The following OR52N5 variants were observed in gnomAD, a reference collection of about 807,000 sequenced individuals.
OR52N5 encodes olfactory receptor family 52 subfamily N member 5, also known as olfactory receptor 52N5.
Under a neutral mutation model 14.1 loss-of-function variants are expected in OR52N5, and 10 were observed. That is an observed-to-expected ratio of 0.71 (90% CI 0.44 to 1.20). The LOEUF (loss-of-function observed/expected upper bound fraction) is 1.20, where lower values mean the gene tolerates loss of function less well. OR52N5 is among the 50% of genes most tolerant of loss of function. The pLI, the probability that OR52N5 is intolerant of heterozygous loss-of-function variation, is 0.00. For synonymous variants in OR52N5, 116 were observed against 143.0 expected (o/e 0.81, Z 1.35); for missense variants, 361 against 403.2 (o/e 0.90, Z 0.90).
In OR52N5 at chr11:5,776,719, T is replaced by C. The variant is rs1435461034; in HGVS notation, c.*941A>G. On this transcript the variant is annotated 3_prime_UTR_variant, in exon 3 of 3. Transcript: ENST00000641181. ...TAATTTCCAGCTTCATCCATGATGC[T>C]GCAAATTACAGAATTTCATCATTTT... is the stretch of plus-strand genomic sequence containing the variant. The C allele has an allele frequency of 2.1e-5, 3 of 140,754 alleles. 1 individual carries two copies. The highest frequency in any genetic ancestry group is 7.8e-5 in the African/African-American group (3 of 38,492). The allele number at this position is 140,754 out of a possible 1,614,324, so 8.7% of individuals were successfully genotyped here.
In OR52N5 at chr11:5,782,318, C is replaced by A; in HGVS notation, c.-247-562G>T. Reference sequence around the variant, plus strand: ...CTGGTGTTTTTAGGTTTACCTTGCACATAAATAGCAGATTTGCATATCAAC... The same window carrying A: ...CTGGTGTTTTTAGGTTTACCTTGCAAATAAATAGCAGATTTGCATATCAAC... On this transcript the variant is annotated intron_variant, in intron 1 of 2. Transcript: ENST00000641181. Among the ~76,000 whole-genome samples, 2 of 139,588 alleles carry A rather than the reference C, an allele frequency of 1.4e-5. 1 individual carries two copies. The highest frequency in any genetic ancestry group is 1.5e-4 in the Admixed American group (2 of 13,542). 91.6% of individuals were successfully genotyped at this position (139,588 alleles called of 152,430 possible). A position where few individuals can be genotyped will look rare whatever the true frequency, so the allele number is the denominator to read the frequency against.
At position 5,776,677 on chromosome 11, in the gene OR52N5, TATTTC is replaced by T. The variant is rs1854495940; in HGVS notation, c.*978_*982del. The T allele has an allele frequency of 3.6e-5, 5 of 140,434 alleles. 1 individual carries two copies. The South Asian group carries it at 1.2e-3, about 33-fold the overall frequency. The allele number at this position is 140,434 out of a possible 1,614,324, so 8.7% of individuals were successfully genotyped here. A position where few individuals can be genotyped will look rare whatever the true frequency, so the allele number is the denominator to read the frequency against. On this transcript the variant is annotated 3_prime_UTR_variant, in exon 3 of 3. Coordinates refer to ENST00000641181, the MANE Select transcript of OR52N5 (RefSeq NM_001385662.1). ...AACTTTTGTCTTTCTGTGGCTGGCT[TATTTC>T]ATTTAACATGCTAATTTCCAGCTTC...
chr11:5,777,408 T>C lies in OR52N5; in HGVS notation c.*252A>G. ...TTATGTTATATATGACATATTTAAC[T>C]TTATGTGTCAATTTAAATAAATTGA... On this transcript the variant is annotated 3_prime_UTR_variant, in exon 3 of 3. Coordinates refer to ENST00000641181, the MANE Select transcript of OR52N5 (RefSeq NM_001385662.1). The C allele has an allele frequency of 3.8e-6, 1 of 262,094 alleles. No homozygotes were observed. The highest frequency in any genetic ancestry group is 7.0e-6 in the Non-Finnish European group (1 of 141,902). 16.2% of individuals were successfully genotyped at this position (262,094 alleles called of 1,614,324 possible).
chr11:5,778,673 T>C lies in OR52N5; in HGVS notation c.-23-16A>G. 7.8e-7 allele frequency: 1 copy of C among 1,280,750 alleles called. No homozygotes were observed. Among genetic ancestry groups the C allele is most frequent in the Non-Finnish European group, 1.1e-6 (1 of 942,930 alleles). The allele number at this position is 1,280,750 out of a possible 1,614,324, so 79.3% of individuals were successfully genotyped here. On this transcript the variant is annotated splice_polypyrimidine_tract_variant and intron_variant, in intron 2 of 2. Coordinates refer to ENST00000641181, the MANE Select transcript of OR52N5 (RefSeq NM_001385662.1). ...AAGTTTCATCCTGAAGAGAAGGAATTATGAAACAAATTTCATTCAAATTTT... is the reference window on the plus strand; with the variant it reads ...AAGTTTCATCCTGAAGAGAAGGAATCATGAAACAAATTTCATTCAAATTTT...
At chr11:5,780,176 G>T (rs1854537553) in intron 2 of OR52N5, among the ~76,000 whole-genome samples, 1 of 138,662 alleles carries the variant, frequency 7.2e-6, no homozygotes, top group Non-Finnish European at 1.6e-5. Flanking sequence ...CAAATTCCTT[G>T]GTATGACATT....
Position 5,777,518 on chromosome 11 carries a change from T to TC in OR52N5, c.*141dup. The TC allele has an allele frequency of 3.2e-6, 2 of 632,070 alleles. No homozygotes were observed. The highest frequency in any genetic ancestry group is 4.7e-6 in the Non-Finnish European group (2 of 421,170). 39.2% of individuals were successfully genotyped at this position (632,070 alleles called of 1,614,324 possible). A position where few individuals can be genotyped will look rare whatever the true frequency, so the allele number is the denominator to read the frequency against. On this transcript the variant is annotated 3_prime_UTR_variant, in exon 3 of 3. Transcript: ENST00000641181. ...ATACATCCAGAATGGGCTATAAATT[T>TC]CCCCAAAACAGTTTCAGAAAACATA...
chr11:5,778,445 G>A lies in OR52N5; in HGVS notation c.190C>T (p.His64Tyr). The A allele has an allele frequency of 1.3e-6, 2 of 1,514,658 alleles. No individual in the cohort carries two copies. Among genetic ancestry groups the A allele is most frequent in the Non-Finnish European group, 1.8e-6 (2 of 1,109,020 alleles). 93.8% of individuals were successfully genotyped at this position (1,514,658 alleles called of 1,614,324 possible). The stretch of plus-strand genomic sequence containing the variant: ...CCAAAAAAAAAATACATCGGATGAT[G>A]TAAGGACTCCTCATAATAAATGAGG... ...VYLIYYEESL[H>Y]HPMYFFFGHA... Residue 64 changes from histidine to tyrosine, a missense_variant, in exon 3 of 3, where the codon CAT (histidine) becomes TAT (tyrosine). By Grantham distance (83) the His-to-Tyr change is moderately conservative (BLOSUM62 2). Transcript: ENST00000641181.
Position 5,777,935 on chromosome 11 carries a change from C to G in OR52N5, c.700G>C (p.Ala234Pro). 6.6e-7 allele frequency: 1 copy of G among 1,521,568 alleles called. No homozygotes were observed. Among genetic ancestry groups the G allele is most frequent in the Non-Finnish European group, 9.0e-7 (1 of 1,114,688 alleles). 94.3% of individuals were successfully genotyped at this position (1,521,568 alleles called of 1,614,324 possible). Residue 234 changes from alanine (A) to proline (P), a missense_variant, in exon 3 of 3, where the codon GCG becomes CCG. Ala to Pro is a conservative substitution (Grantham distance 27). Transcript: ENST00000641181. ...SLSYTLILKAAISLSSSDARQ... is the reference protein window; with the variant it reads ...SLSYTLILKAPISLSSSDARQ... ...GCATCTGATGAAGAGAGGCTGATCGCTGCCTTGAGGATCAAAGTGTAAGAC... is the reference window on the plus strand; with the variant it reads ...GCATCTGATGAAGAGAGGCTGATCGGTGCCTTGAGGATCAAAGTGTAAGAC...
At position 5,778,583 on chromosome 11, in the gene OR52N5, G is replaced by A. The variant is rs1272223454; in HGVS notation, c.52C>T (p.Pro18Ser). 6.7e-7 allele frequency: 1 copy of A among 1,486,888 alleles called. No individual in the cohort carries two copies. Among genetic ancestry groups the A allele is most frequent in the Non-Finnish European group, 9.2e-7 (1 of 1,088,468 alleles). 92.1% of individuals were successfully genotyped at this position (1,486,888 alleles called of 1,614,324 possible). ...CWFPTIHVTP[P>S]SFILNGIPGL... ...GGTATTCCATTAAGAATAAAAGATG[G>A]AGGAGTCACATGAATTGTTGGAAAC... The change falls in exon 3 of 3, where the codon CCA becomes TCA. Residue 18 changes from proline (P) to serine (S), a missense_variant. Coordinates refer to ENST00000641181, the MANE Select transcript of OR52N5 (RefSeq NM_001385662.1).
chr11:5,780,846 T>A, intron 2 of OR52N5, among the ~76,000 whole-genome samples: 1 of 139,360 alleles, frequency 7.2e-6, no homozygotes, highest in Non-Finnish European at 1.6e-5. Flanking sequence ...ATATCCACAC[T>A]CAGAAGAAAA....
In OR52N5 at chr11:5,778,618, G is replaced by T. The variant is rs1481315029; in HGVS notation, c.17C>A (p.Ser6Ter). The T allele has an allele frequency of 2.1e-6, 3 of 1,451,924 alleles. No individual in the cohort carries two copies. The highest frequency in any genetic ancestry group is 1.3e-5 in the South Asian group (1 of 77,056). The allele number at this position is 1,451,924 out of a possible 1,614,324, so 89.9% of individuals were successfully genotyped here. Residue 6 changes from serine to a stop codon, truncating the protein, a stop_gained, in exon 3 of 3, where the codon TCA (serine) becomes TAA (stop). Coordinates refer to ENST00000641181, the MANE Select transcript of OR52N5 (RefSeq NM_001385662.1). LOFTEE classifies it high-confidence loss of function. ...ATGAATTGTTGGAAACCAGCATAAT[G>T]AATTAAATAGAGGCATTCTATTTTT... MPLFN[S>*]LCWFPTIHVT... is the part of the protein sequence containing the mutation.
chr11:5,780,509 A>T (rs1298577835), intron 2 of OR52N5, among the ~76,000 whole-genome samples: 1 of 139,284 alleles, frequency 7.2e-6, no homozygotes, highest in Non-Finnish European at 1.6e-5. Flanking sequence ...GAAAATTAAC[A>T]AACATTTAGC....
At chr11:5,781,129 A>G (rs1281061879) in intron 2 of OR52N5, among the ~76,000 whole-genome samples, 2 of 140,522 alleles carry the variant, frequency 1.4e-5, no homozygotes, top group South Asian at 2.3e-4. Flanking sequence ...CCATTAAAGC[A>G]AATCCCTTAT....
chr11:5,778,079 T>A lies in OR52N5; in HGVS notation c.556A>T (p.Thr186Ser). The change falls in exon 3 of 3, where the codon ACG becomes TCG. Residue 186 changes from threonine to serine, a missense_variant. Coordinates refer to ENST00000641181, the MANE Select transcript of OR52N5 (RefSeq NM_001385662.1). Reference sequence around the variant, plus strand: ...ACTACAGACATGTGGTCGCAGTACGTATGGGAGATAATATTGCTTTGGCAG... The same window carrying A: ...ACTACAGACATGTGGTCGCAGTACGAATGGGAGATAATATTGCTTTGGCAG... ...PFCQSNIISHTYCDHMSVVKL... is the reference protein window; with the variant it reads ...PFCQSNIISHSYCDHMSVVKL... The A allele has an allele frequency of 6.6e-7, 1 of 1,519,386 alleles. No homozygotes were observed. The highest frequency in any genetic ancestry group is 1.2e-5 in the South Asian group (1 of 85,822). The allele number at this position is 1,519,386 out of a possible 1,614,324, so 94.1% of individuals were successfully genotyped here. A position where few individuals can be genotyped will look rare whatever the true frequency, so the allele number is the denominator to read the frequency against.
intron 2 of OR52N5, among the ~76,000 whole-genome samples, chr11:5,779,182 T>C (rs1252796908): frequency 7.1e-6 from 1 of 140,392 alleles, no homozygotes; most frequent in African/African-American, 2.6e-5. Context: ...TGTGACTTGA[T>C]AAGCTTTATG....
chr11:5,778,614 T>C lies in OR52N5; in HGVS notation c.21A>G (p.Leu7=). Residue 7 remains leucine (L), a synonymous_variant, in exon 3 of 3, where the codon TTA becomes TTG. Transcript: ENST00000641181. The part of the protein sequence containing the change: MPLFNS[L]CWFPTIHVTP... Reference sequence around the variant, plus strand: ...TCACATGAATTGTTGGAAACCAGCATAATGAATTAAATAGAGGCATTCTAT... The same window carrying C: ...TCACATGAATTGTTGGAAACCAGCACAATGAATTAAATAGAGGCATTCTAT... The C allele has an allele frequency of 1.4e-6, 2 of 1,467,296 alleles. 1 individual carries two copies. The highest frequency in any genetic ancestry group is 1.9e-6 in the Non-Finnish European group (2 of 1,079,310). The allele number at this position is 1,467,296 out of a possible 1,614,324, so 90.9% of individuals were successfully genotyped here. A position where few individuals can be genotyped will look rare whatever the true frequency, so the allele number is the denominator to read the frequency against.
intron 2 of OR52N5, among the ~76,000 whole-genome samples, chr11:5,780,127 T>C (rs1854537239): frequency 7.1e-6 from 1 of 140,184 alleles, no homozygotes; most frequent in Non-Finnish European, 1.6e-5. Flanking sequence ...CACTGCTTAA[T>C]AATCTTCAAT....
rs1854514760 is a variant in OR52N5 at position 5,778,221 on chromosome 11, A to AG, written c.413dup (p.Leu139PhefsTer16). On this transcript the variant is annotated frameshift_variant, in exon 3 of 3. Transcript: ENST00000641181. LOFTEE classifies it high-confidence loss of function. The stretch of plus-strand genomic sequence containing the variant: ...TGGTGAGTGTGGTAGCATAACGCAA[A>AG]GGGTAGCAAATGGCTACATAGCGGT... 1 of 1,520,332 alleles carries AG rather than the reference A, an allele frequency of 6.6e-7. No individual in the cohort carries two copies. The allele number at this position is 1,520,332 out of a possible 1,614,324, so 94.2% of individuals were successfully genotyped here.
In OR52N5 at chr11:5,777,541, A is replaced by G. The variant is rs1854504560; in HGVS notation, c.*119T>C. The G allele has an allele frequency of 2.5e-6, 2 of 800,640 alleles. No individual in the cohort carries two copies. The highest frequency in any genetic ancestry group is 3.7e-5 in the Admixed American group (1 of 27,006). The allele number at this position is 800,640 out of a possible 1,614,324, so 49.6% of individuals were successfully genotyped here. ...TTTCCCCAAAACAGTTTCAGAAAACATAGACTGAGAGAGAAAATGTATGAT... is the reference window on the plus strand; with the variant it reads ...TTTCCCCAAAACAGTTTCAGAAAACGTAGACTGAGAGAGAAAATGTATGAT... On this transcript the variant is annotated 3_prime_UTR_variant, in exon 3 of 3. Transcript: ENST00000641181.
Sources: gnomAD v4.1 joint callset for allele counts (sites outside exome capture counted in the v4.1 genomes callset) on GRCh38, gnomAD v4.1.1 for gene constraint, MANE v1.5 for transcripts, NCBI Gene and HGNC (gene_info 2026-07-23, HGNC 2026-07-21) for gene names.